Variants in CLCN3 observed in about 807,000 individuals in gnomAD.
CLCN3 encodes Cl-/H+ antiporter 3.
In CLCN3, 16 loss-of-function variants were observed where a neutral mutation model predicts 83.4. That is an observed-to-expected ratio of 0.19 (90% CI 0.13 to 0.29). The LOEUF (loss-of-function observed/expected upper bound fraction) is 0.29. Ranked by LOEUF, CLCN3 falls within the 10% of genes least tolerant of loss-of-function variation. The pLI, the probability that CLCN3 is intolerant of heterozygous loss-of-function variation, is 1.00. For synonymous variants in CLCN3, 322 were observed against 346.2 expected, an observed-to-expected ratio of 0.93 and a Z score of 0.78; for missense variants, 544 against 1,006.0, an observed-to-expected ratio of 0.54 and a Z score of 6.21.
intron 2 of CLCN3, among the ~76,000 whole-genome samples, chr4:169,667,570 G>C (rs1731290867): frequency 6.6e-6 from 1 of 152,012 alleles, no homozygotes. Context: ...TTTCCTGCTT[G>C]CTGGAGGTAT....
intron 2 of CLCN3, among the ~76,000 whole-genome samples, chr4:169,651,207 T>A (rs1169379286): frequency 6.6e-6 from 1 of 152,070 alleles, no homozygotes; most frequent in Non-Finnish European, 1.5e-5. Context: ...TCAAAGAAAG[T>A]TAACTAAAAT....
At chr4:169,706,207 TTTAC>T (rs1272872917) in intron 10 of CLCN3, among the ~76,000 whole-genome samples, 4 of 151,936 alleles carry the variant, frequency 2.6e-5, no homozygotes, top group African/African-American at 7.3e-5. Flanking sequence ...TTTTTTAGTT[TTTAC>T]TTTTGTAGAG....
chr4:169,689,032 T>C lies in CLCN3; in HGVS notation c.419-11T>C. 2 of 1,601,720 alleles carry C rather than the reference T, an allele frequency of 1.2e-6. No individual in the cohort carries two copies. Among genetic ancestry groups the C allele is most frequent in the African/African-American group, 1.3e-5 (1 of 74,450 alleles). On this transcript the variant is annotated splice_polypyrimidine_tract_variant and intron_variant, in intron 4 of 12. Coordinates refer to ENST00000513761, the MANE Select transcript of CLCN3 (RefSeq NM_001829.4). Reference sequence around the variant, plus strand: ...CTTAATTTTTTTACCATCTCCAACATGTTTTTATAGGGGCACTGGCCGGAT... The same window carrying C: ...CTTAATTTTTTTACCATCTCCAACACGTTTTTATAGGGGCACTGGCCGGAT...
Position 169,697,631 on chromosome 4 carries a change from T to A in CLCN3, c.1460T>A (p.Ile487Asn). The A allele has an allele frequency of 6.2e-7, 1 of 1,614,094 alleles. No individual in the cohort carries two copies. The highest frequency in any genetic ancestry group is 8.5e-7 in the Non-Finnish European group (1 of 1,179,926). ...AATGCCAGTAAAATTGTCGATGACATTCCTGATCGTCCAGCAGGCATTGGA... is the reference window on the plus strand; with the variant it reads ...AATGCCAGTAAAATTGTCGATGACAATCCTGATCGTCCAGCAGGCATTGGA... ...DMNASKIVDD[I>N]PDRPAGIGVY... Residue 487 changes from isoleucine to asparagine, a missense_variant, in exon 9 of 13, where the codon ATT becomes AAT. Ile to Asn is a moderately radical substitution (Grantham distance 149, BLOSUM62 -3). Coordinates refer to ENST00000513761, the MANE Select transcript of CLCN3 (RefSeq NM_001829.4).
At chr4:169,698,905 C>A (rs1460246939) in intron 9 of CLCN3, among the ~76,000 whole-genome samples, 1 of 152,208 alleles carries the variant, frequency 6.6e-6, no homozygotes, top group Non-Finnish European at 1.5e-5. Flanking sequence ...TCTTCAAAGC[C>A]AGCAGTAGCT....
intron 12 of CLCN3, among the ~76,000 whole-genome samples, chr4:169,715,618 T>C (rs1287764139): frequency 6.6e-6 from 1 of 152,074 alleles, no homozygotes; most frequent in African/African-American, 2.4e-5. Context: ...TTTTTAGAAG[T>C]GGAAAATAGT....
Position 169,703,004 on chromosome 4 carries a change from A to G in CLCN3, c.1564-994A>G, listed in dbSNP as rs1732857665. The stretch of plus-strand genomic sequence containing the variant: ...AAGAGGGAGAGACAGGGGAACAGCC[A>G]GTTAGTGGAGCAGTCAGACCACATA... On this transcript the variant is annotated intron_variant, in intron 9 of 12. Transcript: ENST00000513761. Among the ~76,000 whole-genome samples the G allele has an allele frequency of 4.6e-5, 7 of 152,328 alleles. No individual in the cohort carries two copies. In the South Asian group the frequency reaches 1.5e-3, roughly 32 times the overall value.
chr4:169,637,123 G>A (rs72694746), intron 2 of CLCN3, among the ~76,000 whole-genome samples: 179 of 152,186 alleles, frequency 1.2e-3, no homozygotes, highest in South Asian at 6.0e-3. Context: ...TGATTTATGA[G>A]TTTAAATGCC....
intron 3 of CLCN3, chr4:169,680,420 G>T: frequency 2.5e-6 from 1 of 405,426 alleles, no homozygotes. Context: ...ATTTCAGGTA[G>T]CTAAAAAACA....
chr4:169,718,506 T>C (rs1733510768), intron 12 of CLCN3, among the ~76,000 whole-genome samples: 1 of 152,206 alleles, frequency 6.6e-6, no homozygotes, highest in Admixed American at 6.5e-5. Context: ...TGTACCTAGA[T>C]TATGTGTGTG....
intron 9 of CLCN3, among the ~76,000 whole-genome samples, chr4:169,701,768 G>A (rs1732793844): frequency 6.6e-6 from 1 of 152,130 alleles, no homozygotes; most frequent in Admixed American, 6.5e-5. Flanking sequence ...GGGCCAAGTG[G>A]GCATCTTGGA....
At chr4:169,705,703 C>A (rs1341003683) in intron 10 of CLCN3, among the ~76,000 whole-genome samples, 1 of 151,962 alleles carries the variant, frequency 6.6e-6, no homozygotes. Context: ...GGTAAAAAAA[C>A]AAAAGGAAGA....
intron 11 of CLCN3, among the ~76,000 whole-genome samples, chr4:169,712,315 C>T (rs1733252601): frequency 6.6e-6 from 1 of 152,068 alleles, no homozygotes; most frequent in Non-Finnish European, 1.5e-5. Context: ...AACTTTTCTC[C>T]ATCTTTGCCA....
At chr4:169,676,060 T>G (rs1006190134) in intron 2 of CLCN3, among the ~76,000 whole-genome samples, 1 of 152,242 alleles carries the variant, frequency 6.6e-6, no homozygotes, top group African/African-American at 2.4e-5. Context: ...GTTATTAATA[T>G]GTTGTCTCAT....
intron 2 of CLCN3, among the ~76,000 whole-genome samples, chr4:169,652,716 C>G (rs1730764251): frequency 6.6e-6 from 1 of 152,160 alleles, no homozygotes; most frequent in Non-Finnish European, 1.5e-5. Context: ...AGTATACATT[C>G]AGACCAAGAA....
At chr4:169,705,703 C>T (rs1341003683) in intron 10 of CLCN3, among the ~76,000 whole-genome samples, 1 of 151,962 alleles carries the variant, frequency 6.6e-6, no homozygotes, top group African/African-American at 2.4e-5. Flanking sequence ...GGTAAAAAAA[C>T]AAAAGGAAGA....
intron 3 of CLCN3, among the ~76,000 whole-genome samples, chr4:169,682,792 GCCAGT>G (rs1731997939): frequency 6.6e-6 from 1 of 152,186 alleles, no homozygotes; most frequent in Non-Finnish European, 1.5e-5. Context: ...TGTAATGACT[GCCAGT>G]ACATTTGAGT....
Position 169,692,297 on chromosome 4 carries a change from A to G in CLCN3, c.913A>G (p.Thr305Ala). 1 of 1,608,724 alleles carries G rather than the reference A, an allele frequency of 6.2e-7. No individual in the cohort carries two copies. The change falls in exon 7 of 13, where the codon ACA becomes GCA. Residue 305 changes from threonine (T) to alanine (A), a missense_variant. This residue lies in a region of CLCN3 where 194 missense variants were observed against 341.4 expected (regional missense o/e 0.57). Transcript: ENST00000513761. ...IFSYLFPKYSTNEAKKREVLS... is the reference protein window; with the variant it reads ...IFSYLFPKYSANEAKKREVLS... Reference sequence around the variant, plus strand: ...TTCCTACCTCTTTCCAAAGTATAGCACAAACGAAGCTAAAAAAAGGGAGGT... The same window carrying G: ...TTCCTACCTCTTTCCAAAGTATAGCGCAAACGAAGCTAAAAAAAGGGAGGT...
chr4:169,669,892 G>T (rs1436939211), intron 2 of CLCN3, among the ~76,000 whole-genome samples: 3 of 152,154 alleles, frequency 2.0e-5, no homozygotes, highest in African/African-American at 4.8e-5. Flanking sequence ...TTGTATGTTT[G>T]TTGGCCGCAT....
Sources: allele counts gnomAD v4.1 joint callset (sites outside exome capture counted in the v4.1 genomes callset), GRCh38; gene constraint gnomAD v4.1.1; regional missense constraint gnomAD v4.1.1; transcripts MANE v1.5; gene names NCBI Gene and HGNC (gene_info 2026-07-23, HGNC 2026-07-21).